ZNF423: variants seen among roughly 807,000 people sequenced by gnomAD.
ZNF423 encodes the protein Ebf-associated zinc finger protein.
A neutral mutation model predicts 95.8 loss-of-function variants in ZNF423; 12 were observed. The observed-to-expected ratio is 0.13, with a 90% confidence interval of 0.08 to 0.20. ZNF423 has a LOEUF of 0.20. Among genes scored for constraint, ZNF423 ranks in the 10% least tolerant of loss-of-function variants. The pLI, the probability that ZNF423 is intolerant of heterozygous loss-of-function variation, is 1.00. For missense variants in ZNF423, 1,316 were observed against 1,737.1 expected, an observed-to-expected ratio of 0.76 and a Z score of 4.31; for synonymous variants, 749 against 711.9, an observed-to-expected ratio of 1.05 and a Z score of -0.83.
rs1375946493 is a variant in ZNF423, at chr16:49,855,094, G to A, written c.40+641C>T. ...TGCCCGGTGGGCCTCGGTGGAGGAGGCAGGAAGTGCAGGGGCCCGGGCCGG... is the reference window on the plus strand; with the variant it reads ...TGCCCGGTGGGCCTCGGTGGAGGAGACAGGAAGTGCAGGGGCCCGGGCCGG... On this transcript the variant is annotated intron_variant, in intron 1 of 7. Coordinates refer to ENST00000563137, the MANE Select transcript of ZNF423 (RefSeq NM_001379286.1). The surrounding 1 kb of genome is among the most constrained non-coding windows in gnomAD (Gnocchi z 4.7). The A allele has an allele frequency of 1.9e-5, 18 of 956,062 alleles. No homozygotes were observed. Among genetic ancestry groups the A allele is most frequent in the Non-Finnish European group, 2.2e-5 (18 of 803,782 alleles). The allele number at this position is 956,062 out of a possible 1,614,324, so 59.2% of individuals were successfully genotyped here.
intron 1 of ZNF423, among the ~76,000 whole-genome samples, chr16:49,832,276 C>T (rs2035068933): frequency 6.6e-6 from 1 of 152,176 alleles, no homozygotes; most frequent in African/African-American, 2.4e-5. Context: ...CCGAGCTGGG[C>T]GGCGATGCTG....
chr16:49,523,544 C>A (rs373422454), intron 7 of ZNF423, 80 bp downstream of exon 7: 2 of 1,248,738 alleles, frequency 1.6e-6, no homozygotes, highest in African/African-American at 1.5e-5. Flanking sequence ...CACCAGCTTG[C>A]CTTAACCCTG....
intron 2 of ZNF423, among the ~76,000 whole-genome samples, chr16:49,779,090 C>T (rs977343045): frequency 2.4e-4 from 36 of 152,152 alleles, no homozygotes; most frequent in East Asian, 5.8e-4. Context: ...CAAATACAGA[C>T]GAAGAAGTAG....
chr16:49,589,120 G>A (rs997635062), intron 5 of ZNF423, among the ~76,000 whole-genome samples: 1 of 152,130 alleles, frequency 6.6e-6, no homozygotes, highest in Non-Finnish European at 1.5e-5. Flanking sequence ...CCCATTCTTG[G>A]CATTTCCCCC....
intron 1 of ZNF423, among the ~76,000 whole-genome samples, chr16:49,822,118 G>A (rs1361343548): frequency 2.6e-5 from 4 of 152,108 alleles, no homozygotes; most frequent in African/African-American, 7.2e-5. Flanking sequence ...ACAGGAGACT[G>A]TGGGAGTATT....
chr16:49,620,879 A>C (rs1433015507), intron 5 of ZNF423, among the ~76,000 whole-genome samples: 1 of 152,182 alleles, frequency 6.6e-6, no homozygotes, highest in African/African-American at 2.4e-5. Context: ...CCCCAGGGTG[A>C]GGTGCCATGT....
chr16:49,621,769 C>T (rs1035919707), intron 5 of ZNF423, among the ~76,000 whole-genome samples: 1 of 152,184 alleles, frequency 6.6e-6, no homozygotes, highest in African/African-American at 2.4e-5. Flanking sequence ...CAGAGCCAGC[C>T]CCAAACCAGG....
intron 1 of ZNF423, among the ~76,000 whole-genome samples, chr16:49,839,748 G>A (rs911558817): frequency 2.0e-5 from 3 of 152,072 alleles, no homozygotes; most frequent in African/African-American, 2.4e-5. Flanking sequence ...CAGCCGGCTC[G>A]CCGCCCTCCC....
intron 4 of ZNF423, among the ~76,000 whole-genome samples, chr16:49,630,835 C>T (rs78923133): frequency 0.042 from 6,437 of 152,170 alleles, 474 homozygotes; most frequent in African/African-American, 0.15. Flanking sequence ...ATAACTGAGC[C>T]CCTCCTGGTG....
At chr16:49,594,844 C>T (rs1971132491) in intron 5 of ZNF423, among the ~76,000 whole-genome samples, 1 of 152,300 alleles carries the variant, frequency 6.6e-6, no homozygotes, top group Non-Finnish European at 1.5e-5. Flanking sequence ...CACAGACATA[C>T]CCTCAGGAGC....
At chr16:49,793,301 C>T (rs1244013948) in intron 1 of ZNF423, among the ~76,000 whole-genome samples, 1 of 152,168 alleles carries the variant, frequency 6.6e-6, no homozygotes, top group East Asian at 1.9e-4. Context: ...TGGCAGCAGG[C>T]ACTCTCTGGG....
intron 3 of ZNF423, among the ~76,000 whole-genome samples, chr16:49,704,214 A>T (rs78033186): frequency 2.3e-3 from 344 of 152,216 alleles, no homozygotes; most frequent in African/African-American, 8.0e-3. Context: ...AGAACTGAAA[A>T]GGAGAAGGGA....
chr16:49,551,598 G>A (rs1475055648), intron 5 of ZNF423, among the ~76,000 whole-genome samples: 1 of 152,186 alleles, frequency 6.6e-6, no homozygotes, highest in Admixed American at 6.5e-5. Flanking sequence ...CAAACCAGGC[G>A]GGAGGTGGGT....
At chr16:49,773,811 C>T (rs4785345) in intron 2 of ZNF423, among the ~76,000 whole-genome samples, 38,455 of 152,006 alleles carry the variant, frequency 0.25, 5,795 homozygotes, top group African/African-American at 0.42. Context: ...AAAGTGCGCC[C>T]GCAAGGACTC....
intron 1 of ZNF423, chr16:49,854,612 A>G (rs1029789854): frequency 1.0e-6 from 1 of 985,246 alleles, no homozygotes; most frequent in Non-Finnish European, 1.2e-6. Context: ...ATCATCTCCC[A>G]TCTCACAGCC....
intron 5 of ZNF423, among the ~76,000 whole-genome samples, chr16:49,560,773 G>A (rs1172001942): frequency 2.0e-5 from 3 of 152,300 alleles, no homozygotes; most frequent in South Asian, 2.1e-4. Context: ...GATAAAAACC[G>A]AGGCGAGTCG....
chr16:49,505,111 C>T (rs1373802197), intron 7 of ZNF423, among the ~76,000 whole-genome samples: 1 of 152,172 alleles, frequency 6.6e-6, no homozygotes, highest in Non-Finnish European at 1.5e-5. Context: ...GCCTTTACCA[C>T]TTTAAATATT....
intron 5 of ZNF423, among the ~76,000 whole-genome samples, chr16:49,575,154 A>G (rs1043047293): frequency 6.6e-5 from 10 of 152,236 alleles, no homozygotes; most frequent in African/African-American, 2.2e-4. Flanking sequence ...ACGCGAACCC[A>G]GGCATCACTC....
intron 5 of ZNF423, among the ~76,000 whole-genome samples, chr16:49,528,095 G>A (rs1054935897): frequency 6.6e-6 from 1 of 152,182 alleles, no homozygotes; most frequent in Non-Finnish European, 1.5e-5. Flanking sequence ...GGGGCTCTGG[G>A]GGCTGAGACG....
Sources: allele counts gnomAD v4.1 joint callset (sites outside exome capture counted in the v4.1 genomes callset), GRCh38; gene constraint gnomAD v4.1.1; non-coding constraint Gnocchi (gnomAD v3.1); transcripts MANE v1.5; gene names NCBI Gene and HGNC (gene_info 2026-07-23, HGNC 2026-07-21).